Variants in GTSF1 observed in about 807,000 individuals in gnomAD.
The protein encoded by GTSF1 is gametocyte-specific factor 1.
In GTSF1, 11 loss-of-function variants were observed where a neutral mutation model predicts 28.9. The observed-to-expected ratio is 0.38, with a 90% CI of 0.24 to 0.63. GTSF1 has a LOEUF of 0.63. GTSF1 is among the 30% of genes least tolerant of loss of function. The probability of loss-of-function intolerance (pLI) is 0.56; values close to 1 mark genes in which losing one functional copy is unlikely to be tolerated. For missense variants in GTSF1, 146 were observed against 201.0 expected (o/e 0.73, Z 1.66); for synonymous variants, 69 against 65.6 (o/e 1.05, Z -0.25).
chr12:54,471,535 A>G (rs1956594246), intron 1 of GTSF1, among the ~76,000 whole-genome samples: 1 of 152,204 alleles, frequency 6.6e-6, no homozygotes, highest in African/African-American at 2.4e-5. Flanking sequence ...TATGACTCCT[A>G]TAGTTCAAAT....
intron 7 of GTSF1, chr12:54,459,660 C>T (rs1162537623): frequency 4.3e-6 from 1 of 234,280 alleles, no homozygotes; most frequent in Non-Finnish European, 8.5e-6. Flanking sequence ...TTTCTCTCTA[C>T]TCATTTCCTT....
rs1000397881 is a variant in GTSF1 at position 54,460,021 on chromosome 12, C to T, written c.487+356G>A. Among the ~76,000 whole-genome samples, 9 of 152,126 alleles carry T rather than the reference C, an allele frequency of 5.9e-5. 1 individual carries two copies. The highest frequency in any genetic ancestry group is 2.1e-4 in the South Asian group (1 of 4,828). ...GATTACAGGCGTGAGCCACCGCGCC[C>T]GGCCTGATATTATGCCTTGAAAGAA... is the stretch of plus-strand genomic sequence containing the variant. On this transcript the variant is annotated intron_variant, in intron 7 of 8. Coordinates refer to ENST00000305879, the MANE Select transcript of GTSF1 (RefSeq NM_144594.3).
intron 4 of GTSF1, 122 bp downstream of exon 4, chr12:54,463,049 A>C: frequency 1.1e-6 from 1 of 930,214 alleles, no homozygotes; most frequent in South Asian, 1.7e-5. Context: ...CAAATCTCAA[A>C]GGTGGAAAAG....
chr12:54,463,321 C>G (rs765820405), intron 3 of GTSF1, 24 bp from the exon 4 acceptor site: 2 of 1,612,786 alleles, frequency 1.2e-6, no homozygotes, highest in East Asian at 2.2e-5. Flanking sequence ...ATTAAGGGAT[C>G]TGTCAGTTCT....
chr12:54,473,342 T>C (rs1956612638), intron 1 of GTSF1, among the ~76,000 whole-genome samples: 1 of 151,996 alleles, frequency 6.6e-6, no homozygotes, highest in Non-Finnish European at 1.5e-5. Flanking sequence ...GGTGGTTAAC[T>C]TAAAAAAAAC....
At chr12:54,463,024 A>G in intron 4 of GTSF1, 147 bp downstream of exon 4, 1 of 735,844 alleles carries the variant, frequency 1.4e-6, no homozygotes, top group Non-Finnish European at 2.2e-6. Flanking sequence ...CTGACAACCT[A>G]TTGCTGCCAT....
intron 7 of GTSF1, 95 bp downstream of exon 7, chr12:54,460,282 G>A: frequency 1.2e-6 from 1 of 866,798 alleles, no homozygotes; most frequent in Non-Finnish European, 1.9e-6. Flanking sequence ...TCATGGAAAT[G>A]CAAGGTGTTC....
chr12:54,463,763 T>C (rs1440038648), intron 3 of GTSF1, among the ~76,000 whole-genome samples: 1 of 152,158 alleles, frequency 6.6e-6, no homozygotes. Flanking sequence ...TGCTGGAAAA[T>C]AGCTGTTGGA....
At chr12:54,469,345 G>A (rs931292523) in intron 2 of GTSF1, among the ~76,000 whole-genome samples, 1 of 151,892 alleles carries the variant, frequency 6.6e-6, no homozygotes, top group Non-Finnish European at 1.5e-5. Context: ...CCAAAGTGTT[G>A]GGATTACGGG....
At chr12:54,460,329 T>C (rs1236314090) in intron 7 of GTSF1, 48 bp downstream of exon 7, 1 of 1,330,484 alleles carries the variant, frequency 7.5e-7, no homozygotes, top group African/African-American at 1.4e-5. Context: ...ATCAACTGTA[T>C]TTAGCACAAT....
intron 2 of GTSF1, among the ~76,000 whole-genome samples, chr12:54,465,415 T>A (rs560533718): frequency 1.3e-5 from 2 of 152,328 alleles, no homozygotes; most frequent in South Asian, 4.1e-4. Context: ...ATTGTTTTTG[T>A]TGCTGGTTAC....
chr12:54,456,672 G>A (rs1956336096), intron 8 of GTSF1, among the ~76,000 whole-genome samples: 1 of 152,114 alleles, frequency 6.6e-6, no homozygotes, highest in African/African-American at 2.4e-5. Flanking sequence ...CCCTTGTCAT[G>A]TATGTATATT....
chr12:54,460,301 C>T, intron 7 of GTSF1, 76 bp downstream of exon 7: 1 of 1,081,252 alleles, frequency 9.2e-7, no homozygotes, highest in South Asian at 1.3e-5. Flanking sequence ...TCAGACTGAA[C>T]ACATCTGAAT....
intron 8 of GTSF1, among the ~76,000 whole-genome samples, chr12:54,458,814 T>C (rs1364245731): frequency 6.9e-6 from 1 of 144,264 alleles, no homozygotes. Context: ...GCATGATAGA[T>C]CTAGAATGCA....
At chr12:54,463,389 TA>T in intron 3 of GTSF1, 92 bp from the exon 4 acceptor site, 1 of 1,204,694 alleles carries the variant, frequency 8.3e-7, no homozygotes, top group Admixed American at 2.3e-5. Context: ...ATGCCTCCCC[TA>T]AAATTCCTCA....
intron 2 of GTSF1, among the ~76,000 whole-genome samples, chr12:54,470,652 T>C (rs921712975): frequency 6.6e-6 from 1 of 152,232 alleles, no homozygotes; most frequent in Non-Finnish European, 1.5e-5. Context: ...TGTGGTGTCA[T>C]GTAGGGTACT....
In GTSF1 at chr12:54,460,378, G is replaced by C; in HGVS notation, c.486C>G (p.Asn162Lys). The C allele has an allele frequency of 6.2e-7, 1 of 1,607,392 alleles. No homozygotes were observed. Residue 162 changes from asparagine (N) to lysine (K), a missense_variant and splice_region_variant, in exon 7 of 9, where the codon AAC (asparagine) becomes AAG (lysine). Coordinates refer to ENST00000305879, the MANE Select transcript of GTSF1 (RefSeq NM_144594.3). ...CTATTTTGTCTCTATTTCACTTACT[G>C]TTTTTCCATGGCAGAACATACGGCA... is the stretch of plus-strand genomic sequence containing the variant. ...KSLPYVLPWK[N>K]NGNAQ
At chr12:54,463,638 G>C (rs557810887) in intron 3 of GTSF1, among the ~76,000 whole-genome samples, 5 of 152,250 alleles carry the variant, frequency 3.3e-5, no homozygotes, top group African/African-American at 9.6e-5. Context: ...AGCACAGCCC[G>C]TAATGAGAGA....
chr12:54,458,355 C>A (rs1031657245), intron 8 of GTSF1, among the ~76,000 whole-genome samples: 2 of 152,014 alleles, frequency 1.3e-5, no homozygotes, highest in African/African-American at 2.4e-5. Context: ...TCTTAGAAAC[C>A]CAAAGCTTTT....
Sources: allele counts gnomAD v4.1 joint callset (sites outside exome capture counted in the v4.1 genomes callset), GRCh38; gene constraint gnomAD v4.1.1; transcripts MANE v1.5; gene names NCBI Gene and HGNC (gene_info 2026-07-23, HGNC 2026-07-21).